The following GRIK4 variants were observed in gnomAD, a reference collection of about 807,000 sequenced individuals.
GRIK4 encodes glutamate receptor ionotropic, kainate 4.
Under a neutral mutation model 104.9 loss-of-function variants are expected in GRIK4, and 40 were observed. The observed-to-expected ratio is 0.38, with a 90% CI of 0.30 to 0.50. The LOEUF is 0.50. GRIK4 is among the 20% of genes least tolerant of loss of function. The pLI is 0.93. For synonymous variants in GRIK4, 485 were observed against 524.9 expected, an observed-to-expected ratio of 0.92 and a Z score of 1.04; for missense variants, 1,047 against 1,308.1, an observed-to-expected ratio of 0.80 and a Z score of 3.08.
intron 1 of GRIK4, among the ~76,000 whole-genome samples, chr11:120,572,328 A>G (rs1209493444): frequency 1.3e-5 from 2 of 152,104 alleles, no homozygotes; most frequent in South Asian, 2.1e-4. Context: ...CCCATAACAC[A>G]TCCCCACTAC....
intron 6 of GRIK4, among the ~76,000 whole-genome samples, chr11:120,825,376 G>T (rs75622430): frequency 0.051 from 7,824 of 152,222 alleles, 230 homozygotes; most frequent in Middle Eastern, 0.092. Context: ...CCTCGCTCCC[G>T]GGATGGCTGA....
chr11:120,624,888 CAGATTTAAG>C (rs1169172236), intron 1 of GRIK4, among the ~76,000 whole-genome samples: 1 of 152,122 alleles, frequency 6.6e-6, no homozygotes, highest in East Asian at 1.9e-4. Context: ...GGATGGGGTG[CAGATTTAAG>C]AGATTTAAGA....
chr11:120,910,601 TGAA>T (rs1942969383), intron 13 of GRIK4, among the ~76,000 whole-genome samples: 1 of 152,156 alleles, frequency 6.6e-6, no homozygotes, highest in South Asian at 2.1e-4. Flanking sequence ...TGGAGTAGCT[TGAA>T]GAAGCAGATG....
chr11:120,844,675 G>A (rs964203256), intron 8 of GRIK4, among the ~76,000 whole-genome samples: 3 of 152,140 alleles, frequency 2.0e-5, no homozygotes, highest in East Asian at 1.9e-4. Flanking sequence ...TCCCTGTTCC[G>A]CAGGACCCCC....
intron 14 of GRIK4, among the ~76,000 whole-genome samples, chr11:120,948,558 C>T (rs1273730402): frequency 1.3e-5 from 2 of 152,182 alleles, no homozygotes; most frequent in African/African-American, 4.8e-5. Flanking sequence ...GCCCTAAGTG[C>T]TTCTCTGGAG....
chr11:120,575,844 T>C (rs1202323901), intron 1 of GRIK4: 4 of 151,898 alleles, frequency 2.6e-5, no homozygotes, highest in Non-Finnish European at 2.9e-5. Context: ...GTGCCTGTAA[T>C]CCCAGTGCTT....
rs541053134 is a variant in GRIK4 at position 120,560,993 on chromosome 11, T to C, written c.-159+49106T>C. ...GGCCTCAGCCTTAAATGGATATTAA[T>C]GCGGAAATGTTAGGGCTGGAGATTT... is the stretch of plus-strand genomic sequence containing the variant. On this transcript the variant is annotated intron_variant, in intron 1 of 20. Transcript: ENST00000527524. Among the ~76,000 whole-genome samples the C allele has an allele frequency of 9.2e-5, 14 of 152,374 alleles. No individual in the cohort carries two copies. The South Asian group carries it at 2.7e-3, about 29-fold the overall frequency.
Position 120,903,258 on chromosome 11 carries a change from C to T in GRIK4, c.1273-2032C>T, listed in dbSNP as rs981176715. On this transcript the variant is annotated intron_variant, in intron 12 of 20. Transcript: ENST00000527524. The surrounding 1 kb of genome is among the most constrained non-coding windows in gnomAD (Gnocchi z 4.4). ...CCTCTGCAGCCGGGCCTTGGTAATC[C>T]CTGAGCCCAGCTCTCCTCTGTCCCT... 1.3e-5 allele frequency among the ~76,000 whole-genome samples: 2 copies of T among 152,126 alleles called. No individual in the cohort carries two copies. The highest frequency in any genetic ancestry group is 4.8e-5 in the African/African-American group (2 of 41,412).
At chr11:120,963,057 C>G in intron 18 of GRIK4, 1 of 166,532 alleles carries the variant, frequency 6.0e-6, no homozygotes, top group Non-Finnish European at 1.3e-5. Context: ...GCTATCTCTA[C>G]TAGCAGTGGG....
Position 120,511,831 on chromosome 11 carries a change from G to T in GRIK4, c.-215G>T. 5.6e-6 allele frequency: 2 copies of T among 357,212 alleles called. No individual in the cohort carries two copies. Among genetic ancestry groups the T allele is most frequent in the Admixed American group, 3.1e-5 (1 of 31,784 alleles). The allele number at this position is 357,212 out of a possible 1,614,324, so 22.1% of individuals were successfully genotyped here. ...GAAAAACGGCCAACAGCAGCCCCGC[G>T]GCCGGCCCGGCAGCGCCCGGCCCCC... On this transcript the variant is annotated 5_prime_UTR_variant, in exon 1 of 21. Coordinates refer to ENST00000527524, the MANE Select transcript of GRIK4 (RefSeq NM_014619.5).
intron 13 of GRIK4, among the ~76,000 whole-genome samples, chr11:120,919,777 T>C (rs1173233664): frequency 2.0e-5 from 3 of 151,558 alleles, no homozygotes; most frequent in African/African-American, 7.3e-5. Context: ...GTTTCAGAGG[T>C]AAAAGGGATG....
intron 8 of GRIK4, among the ~76,000 whole-genome samples, chr11:120,850,578 C>A (rs1409284039): frequency 1.3e-5 from 2 of 152,094 alleles, no homozygotes; most frequent in East Asian, 3.9e-4. Flanking sequence ...CAGGGCCCAT[C>A]CCTTGCCTCC....
intron 1 of GRIK4, among the ~76,000 whole-genome samples, chr11:120,594,932 G>A (rs563709233): frequency 9.2e-5 from 14 of 152,282 alleles, no homozygotes; most frequent in East Asian, 1.9e-4. Flanking sequence ...TAGGGGTGTC[G>A]GAGGGTGAGG....
chr11:120,844,235 C>G (rs915315882), intron 8 of GRIK4, among the ~76,000 whole-genome samples: 1 of 152,136 alleles, frequency 6.6e-6, no homozygotes, highest in Non-Finnish European at 1.5e-5. Context: ...GGTGAGTTGA[C>G]GCTACTCATC....
chr11:120,908,335 T>C (rs570216196), intron 13 of GRIK4, among the ~76,000 whole-genome samples: 39 of 152,304 alleles, frequency 2.6e-4, no homozygotes, highest in African/African-American at 9.1e-4. Context: ...CTGTGTGTGC[T>C]TAAACACATT....
chr11:120,803,705 T>C (rs1285231309), intron 4 of GRIK4, among the ~76,000 whole-genome samples: 2 of 152,238 alleles, frequency 1.3e-5, no homozygotes, highest in Non-Finnish European at 2.9e-5. Flanking sequence ...CCCAAAGTGC[T>C]GGGATTACAG....
At chr11:120,516,538 CCAAA>C (rs1441214998) in intron 1 of GRIK4, among the ~76,000 whole-genome samples, 1 of 151,756 alleles carries the variant, frequency 6.6e-6, no homozygotes, top group Non-Finnish European at 1.5e-5. Flanking sequence ...GCCCTGGCCA[CCAAA>C]CAGAGAAGGC....
intron 13 of GRIK4, among the ~76,000 whole-genome samples, chr11:120,937,164 G>A (rs1252874652): frequency 5.9e-5 from 9 of 152,070 alleles, no homozygotes; most frequent in South Asian, 2.1e-4. Flanking sequence ...TCAGCCTCCC[G>A]AGTAGCTGGG....
chr11:120,552,803 C>T (rs1293222512), intron 1 of GRIK4, among the ~76,000 whole-genome samples: 4 of 152,128 alleles, frequency 2.6e-5, no homozygotes, highest in South Asian at 4.2e-4. Flanking sequence ...GGTTAGAGAC[C>T]GGCCTGGCCA....
Sources: allele counts gnomAD v4.1 joint callset (sites outside exome capture counted in the v4.1 genomes callset), GRCh38; gene constraint gnomAD v4.1.1; non-coding constraint Gnocchi (gnomAD v3.1); transcripts MANE v1.5; gene names NCBI Gene and HGNC (gene_info 2026-07-23, HGNC 2026-07-21).